The following FBXO47 variants were observed in gnomAD, a reference collection of about 807,000 sequenced individuals.
The protein encoded by FBXO47 is F-box only protein 47.
In FBXO47, 34 loss-of-function variants were observed where a neutral mutation model predicts 53.9. The observed-to-expected ratio is 0.63, with a 90% CI of 0.48 to 0.84. The LOEUF is 0.84. Among genes scored for constraint, FBXO47 ranks in the 40% least tolerant of loss-of-function variants. The probability of loss-of-function intolerance (pLI) is 0.00; values close to 1 mark genes in which losing one functional copy is unlikely to be tolerated. For missense variants in FBXO47, 485 were observed against 541.3 expected, an observed-to-expected ratio of 0.90 and a Z score of 1.03; for synonymous variants, 165 against 181.6, an observed-to-expected ratio of 0.91 and a Z score of 0.73.
chr17:38,949,211 G>A (rs1905082202), intron 6 of FBXO47, among the ~76,000 whole-genome samples: 1 of 152,000 alleles, frequency 6.6e-6, no homozygotes, highest in South Asian at 2.1e-4. Context: ...GAGCCCAGGA[G>A]TTTGAGACCA....
chr17:38,943,816 C>A (rs1899185059), intron 7 of FBXO47, 80 bp from the exon 8 acceptor site: 1 of 1,228,990 alleles, frequency 8.1e-7, no homozygotes, highest in Non-Finnish European at 1.2e-6. Context: ...AAGTGAATTG[C>A]ACAATGGAAT....
At chr17:38,956,141 A>G (rs1905544389) in intron 4 of FBXO47, among the ~76,000 whole-genome samples, 1 of 151,878 alleles carries the variant, frequency 6.6e-6, no homozygotes, top group African/African-American at 2.4e-5. Context: ...ATCTCAAAAA[A>G]AAAAAAAAGT....
chr17:38,952,688 AC>A (rs1272692461), intron 5 of FBXO47, among the ~76,000 whole-genome samples: 1 of 152,114 alleles, frequency 6.6e-6, no homozygotes, highest in Non-Finnish European at 1.5e-5. Flanking sequence ...TATTTCACTT[AC>A]AACCATGCTG....
intron 6 of FBXO47, among the ~76,000 whole-genome samples, chr17:38,945,935 C>CAAAAAAAAAAA (rs34412322): frequency 1.1e-5 from 1 of 94,648 alleles, no homozygotes; most frequent in African/African-American, 4.7e-5. Flanking sequence ...GACTCTGGCT[C>CAAAAAAAAAAA]AAAAAAAAAA....
At chr17:38,956,267 T>C (rs1905553023) in intron 4 of FBXO47, among the ~76,000 whole-genome samples, 1 of 152,106 alleles carries the variant, frequency 6.6e-6, no homozygotes, top group African/African-American at 2.4e-5. Flanking sequence ...TATAATAATA[T>C]AGACCAGAAC....
intron 4 of FBXO47, among the ~76,000 whole-genome samples, chr17:38,955,665 C>T (rs929140039): frequency 6.6e-6 from 1 of 151,214 alleles, no homozygotes. Context: ...TTGTATAAAA[C>T]CTTTTGCCGG....
At chr17:38,951,522 C>A in intron 6 of FBXO47, 59 bp downstream of exon 6, 3 of 1,280,250 alleles carry the variant, frequency 2.3e-6, no homozygotes, top group Non-Finnish European at 2.2e-6. Context: ...ATTTTTAAAA[C>A]TCTGTTTATT....
intron 9 of FBXO47, among the ~76,000 whole-genome samples, chr17:38,942,199 T>A (rs184024266): frequency 0.013 from 1,906 of 152,086 alleles, 13 homozygotes; most frequent in African/African-American, 0.017. Flanking sequence ...AATTTTTTTT[T>A]AAAAAGAATA....
intron 3 of FBXO47, among the ~76,000 whole-genome samples, chr17:38,958,052 A>G (rs566651361): frequency 6.6e-6 from 1 of 152,074 alleles, no homozygotes. Context: ...GATGGTCTCG[A>G]TCTCTTGACC....
At chr17:38,959,180 C>T (rs1905696229) in intron 3 of FBXO47, among the ~76,000 whole-genome samples, 1 of 151,896 alleles carries the variant, frequency 6.6e-6, no homozygotes, top group East Asian at 1.9e-4. Context: ...AGGTGCTCTG[C>T]TATACCCTTT....
rs1289946358 is a variant in FBXO47, at chr17:38,963,230, T to C, written c.-26-179A>G. The stretch of plus-strand genomic sequence containing the variant: ...TCTTGCTCTGTTGCCCAGGCTGGAG[T>C]GCAATGGCGTAATCTCGGCTCACTG... On this transcript the variant is annotated intron_variant, in intron 1 of 10. Transcript: ENST00000378079. 1.3e-5 allele frequency among the ~76,000 whole-genome samples: 2 copies of C among 152,068 alleles called. 1 individual carries two copies. The highest frequency in any genetic ancestry group is 4.1e-4 in the South Asian group (2 of 4,838).
intron 4 of FBXO47, among the ~76,000 whole-genome samples, chr17:38,956,820 T>C (rs1905579870): frequency 1.3e-5 from 2 of 152,144 alleles, no homozygotes; most frequent in South Asian, 4.1e-4. Flanking sequence ...ATTTAAACAA[T>C]AAAATTTCAA....
At chr17:38,950,182 C>G (rs11869405) in intron 6 of FBXO47, among the ~76,000 whole-genome samples, 93 of 152,046 alleles carry the variant, frequency 6.1e-4, no homozygotes, top group Admixed American at 1.8e-3. Flanking sequence ...CCCACTCCCC[C>G]CTCCCCTCAG....
intron 3 of FBXO47, among the ~76,000 whole-genome samples, chr17:38,959,635 T>TGTGTGC (rs1004617564): frequency 1.4e-5 from 2 of 146,270 alleles, no homozygotes; most frequent in African/African-American, 5.1e-5. Flanking sequence ...TGTGTGTGTG[T>TGTGTGC]GTGTGTGTGT....
chr17:38,946,630 G>T (rs371642775), intron 6 of FBXO47, among the ~76,000 whole-genome samples: 1 of 5,800 alleles, frequency 1.7e-4, no homozygotes, highest in Non-Finnish European at 2.5e-4. Flanking sequence ...AAATATATAT[G>T]AATATATAAA....
intron 1 of FBXO47, among the ~76,000 whole-genome samples, chr17:38,964,464 T>C (rs532546753): frequency 3.9e-4 from 60 of 152,108 alleles, no homozygotes; most frequent in African/African-American, 1.4e-3. Context: ...GGGATGGCAG[T>C]GTGCACCTGT....
intron 1 of FBXO47, among the ~76,000 whole-genome samples, chr17:38,963,520 T>A (rs1235931918): frequency 6.6e-6 from 1 of 151,842 alleles, no homozygotes; most frequent in East Asian, 1.9e-4. Flanking sequence ...TTTTAAAGTC[T>A]CTATTTTCAT....
rs774388220 is a variant in FBXO47, at chr17:38,944,953, T to C, written c.793+7A>G. On this transcript the variant is annotated splice_region_variant and intron_variant, in intron 7 of 10. Transcript: ENST00000378079. ...TTATGTTACAACCCTGAAAGATGGGTGCTCACCATCTTGAGGAGATATTGG... is the reference window on the plus strand; with the variant it reads ...TTATGTTACAACCCTGAAAGATGGGCGCTCACCATCTTGAGGAGATATTGG... The C allele has an allele frequency of 6.2e-7, 1 of 1,609,914 alleles. No homozygotes were observed. The highest frequency in any genetic ancestry group is 8.5e-7 in the Non-Finnish European group (1 of 1,176,820).
chr17:38,952,087 G>A (rs1905322242), intron 5 of FBXO47, among the ~76,000 whole-genome samples: 1 of 152,018 alleles, frequency 6.6e-6, no homozygotes, highest in African/African-American at 2.4e-5. Flanking sequence ...AGTACTTTGG[G>A]AGGCCAACGT....
Sources: gnomAD v4.1 joint callset for allele counts (sites outside exome capture counted in the v4.1 genomes callset) on GRCh38, gnomAD v4.1.1 for gene constraint, MANE v1.5 for transcripts, NCBI Gene and HGNC (gene_info 2026-07-23, HGNC 2026-07-21) for gene names.